SLC25A26: variants seen among roughly 807,000 people sequenced by gnomAD.
The protein encoded by SLC25A26 is solute carrier family 25 member 26, also known as mitochondrial S-adenosylmethionine carrier protein.
Under a neutral mutation model 37.8 loss-of-function variants are expected in SLC25A26, and 36 were observed. That is an observed-to-expected ratio of 0.95 (90% CI 0.73 to 1.26). SLC25A26 has a LOEUF of 1.26. SLC25A26 is among the 50% of genes most tolerant of loss of function. The pLI is 0.00. For missense variants in SLC25A26, 390 were observed against 331.1 expected (o/e 1.18, Z -1.38); for synonymous variants, 129 against 122.5 (o/e 1.05, Z -0.35).
upstream of SLC25A26, among the ~76,000 whole-genome samples, chr3:66,218,378 A>G (rs1338080754): frequency 1.3e-5 from 2 of 152,216 alleles, no homozygotes; most frequent in African/African-American, 2.4e-5. Context: ...TAATGGTTGT[A>G]CCATATAAAA....
intron 6 of SLC25A26, among the ~76,000 whole-genome samples, chr3:66,347,662 G>GATAC (rs1236950620): frequency 2.0e-5 from 3 of 152,132 alleles, no homozygotes; most frequent in South Asian, 2.1e-4. Context: ...CTGTTATAAA[G>GATAC]ATACATACAT....
intron 5 of SLC25A26, among the ~76,000 whole-genome samples, chr3:66,265,446 G>C (rs55874340): frequency 0.055 from 8,390 of 152,244 alleles, 262 homozygotes; most frequent in African/African-American, 0.067. Flanking sequence ...GTCTGGTTTG[G>C]GACACAATTC....
chr3:66,301,406 C>T (rs1008854778), intron 5 of SLC25A26, among the ~76,000 whole-genome samples: 2 of 152,178 alleles, frequency 1.3e-5, no homozygotes, highest in African/African-American at 4.8e-5. Context: ...GAATTGTTTG[C>T]CACAGTTCCC....
intron 1 of SLC25A26, among the ~76,000 whole-genome samples, chr3:66,187,909 G>A (rs1215404522): frequency 1.3e-5 from 2 of 151,910 alleles, no homozygotes; most frequent in Non-Finnish European, 2.9e-5. Context: ...TCGTCATGAC[G>A]CAACCCAGAC....
chr3:66,362,863 C>G lies in SLC25A26; in HGVS notation c.502C>G (p.Leu168Val). The stretch of plus-strand genomic sequence containing the variant: ...TTTTCTTTCTCCTTAAACACAGGCC[C>G]TCTGGTCCTGGAGGCAGGATCATGT... The part of the protein sequence containing the change: ...QFPLWESLKA[L>V]WSWRQDHVVD... The change falls in exon 7 of 10, where the codon CTC becomes GTC. Residue 168 changes from leucine to valine, a missense_variant. Leu to Val is a conservative substitution (Grantham distance 32, BLOSUM62 1). Transcript: ENST00000354883. 1.3e-6 allele frequency: 2 copies of G among 1,598,622 alleles called. No homozygotes were observed. The highest frequency in any genetic ancestry group is 1.7e-6 in the Non-Finnish European group (2 of 1,172,644).
In SLC25A26 at chr3:66,272,644, C is replaced by G. The variant is rs1364769237; in HGVS notation, c.453+9265C>G. Among the ~76,000 whole-genome samples the G allele has an allele frequency of 2.0e-5, 3 of 152,090 alleles. No homozygotes were observed. The East Asian group carries it at 5.8e-4, about 29-fold the overall frequency. On this transcript the variant is annotated intron_variant, in intron 5 of 9. Transcript: ENST00000354883. ...TGTGATCACTCCAGCTAAAATAGAC[C>G]TACCCCATCCCTGATCACTCACCTG...
intron 7 of SLC25A26, among the ~76,000 whole-genome samples, chr3:66,367,194 C>T (rs968841583): frequency 6.6e-6 from 1 of 152,132 alleles, no homozygotes; most frequent in Non-Finnish European, 1.5e-5. Context: ...CTGCTGTGAG[C>T]CAGATGCTGT....
At chr3:66,334,658 C>G (rs778586146) in intron 5 of SLC25A26, among the ~76,000 whole-genome samples, 1 of 152,106 alleles carries the variant, frequency 6.6e-6, no homozygotes, top group Non-Finnish European at 1.5e-5. Flanking sequence ...TCTGTCATCC[C>G]TCTTGCTTCT....
chr3:66,319,307 A>C (rs1239902240), intron 5 of SLC25A26, among the ~76,000 whole-genome samples: 2 of 152,114 alleles, frequency 1.3e-5, no homozygotes, highest in Non-Finnish European at 2.9e-5. Flanking sequence ...AGTGCCAGAG[A>C]CAAGTAAGAT....
rs1327693555 is a variant in SLC25A26 at position 66,202,512 on chromosome 3, C to T, written c.-353-18230C>T. 2.9e-3 allele frequency among the ~76,000 whole-genome samples: 423 copies of T among 145,168 alleles called. 1 individual carries two copies. The highest frequency in any genetic ancestry group is 0.014 in the East Asian group (68 of 5,028). On this transcript the variant is annotated intron_variant, in intron 1 of 10. Transcript: ENST00000676754. The stretch of plus-strand genomic sequence containing the variant: ...AACCTGCATATTCTACACATGTATC[C>T]GAGAACTTAAAGTAAAATGAAAAAA...
chr3:66,189,755 G>T (rs1003776615), intron 1 of SLC25A26, among the ~76,000 whole-genome samples: 7 of 152,184 alleles, frequency 4.6e-5, no homozygotes, highest in African/African-American at 1.7e-4. Flanking sequence ...TCAACCTCCT[G>T]GGCTCAAGCG....
chr3:66,140,177 C>G (rs1002869727), intron 1 of SLC25A26, among the ~76,000 whole-genome samples: 1 of 152,176 alleles, frequency 6.6e-6, no homozygotes, highest in Non-Finnish European at 1.5e-5. Flanking sequence ...TGTATTAACA[C>G]TTGCAAGTAC....
At chr3:66,295,215 T>G (rs2074856380) in intron 5 of SLC25A26, among the ~76,000 whole-genome samples, 2 of 151,350 alleles carry the variant, frequency 1.3e-5, no homozygotes, top group Non-Finnish European at 2.9e-5. Context: ...CTTTGCATTT[T>G]CTCAAATTTG....
chr3:66,260,360 G>C (rs1306573511), intron 3 of SLC25A26, among the ~76,000 whole-genome samples: 1 of 152,190 alleles, frequency 6.6e-6, no homozygotes, highest in Non-Finnish European at 1.5e-5. Flanking sequence ...GGGAGACTGG[G>C]TGGAAAAATA....
chr3:66,199,172 C>T (rs1197245200), intron 1 of SLC25A26, among the ~76,000 whole-genome samples: 2 of 152,006 alleles, frequency 1.3e-5, no homozygotes, highest in Admixed American at 1.3e-4. Context: ...CTCTGACCAT[C>T]ACCCTGACTT....
At chr3:66,268,624 T>C (rs1475371122) in intron 5 of SLC25A26, among the ~76,000 whole-genome samples, 3 of 152,182 alleles carry the variant, frequency 2.0e-5, no homozygotes, top group Admixed American at 1.3e-4. Context: ...CAGGAAATGT[T>C]AACTAGGATG....
At chr3:66,141,179 A>G (rs562898092) in intron 1 of SLC25A26, among the ~76,000 whole-genome samples, 13 of 151,068 alleles carry the variant, frequency 8.6e-5, no homozygotes, top group Admixed American at 3.3e-4. Context: ...AGTTGTTAGC[A>G]TTGGGGGAAA....
At chr3:66,309,497 T>C (rs2075316595) in intron 5 of SLC25A26, among the ~76,000 whole-genome samples, 2 of 152,286 alleles carry the variant, frequency 1.3e-5, no homozygotes, top group African/African-American at 2.4e-5. Context: ...TTCATGTCTC[T>C]ATATCCTTCA....
intron 1 of SLC25A26, among the ~76,000 whole-genome samples, chr3:66,230,891 A>AC (rs1262002504): frequency 9.3e-5 from 14 of 150,672 alleles, no homozygotes; most frequent in Non-Finnish European, 1.5e-4. Context: ...GTTTTAGGAA[A>AC]CAACTGGGTG....
Sources: allele counts gnomAD v4.1 joint callset (sites outside exome capture counted in the v4.1 genomes callset), GRCh38; gene constraint gnomAD v4.1.1; transcripts MANE v1.5; gene names NCBI Gene and HGNC (gene_info 2026-07-23, HGNC 2026-07-21).